PAXIP1: variants seen among roughly 807,000 people sequenced by gnomAD.
PAXIP1 encodes the protein PAX-interacting protein 1.
Under a neutral mutation model 140.6 loss-of-function variants are expected in PAXIP1, and 19 were observed. The observed-to-expected ratio is 0.14, with a 90% CI of 0.09 to 0.20. PAXIP1 has a LOEUF of 0.20. PAXIP1 is among the 10% of genes least tolerant of loss of function. PAXIP1 has a pLI of 1.00. For missense variants in PAXIP1, 920 were observed against 1,208.6 expected, an observed-to-expected ratio of 0.76 and a Z score of 3.54; for synonymous variants, 442 against 444.6, an observed-to-expected ratio of 0.99 and a Z score of 0.07.
At chr7:155,002,813 C>T in intron 1 of PAXIP1, 36 bp downstream of exon 1, 2 of 1,234,978 alleles carry the variant, frequency 1.6e-6, no homozygotes, top group Non-Finnish European at 1.1e-6. Context: ...GGGACGCGGA[C>T]GGGGGAGGAG....
chr7:154,972,107 T>C (rs1236935562), intron 6 of PAXIP1, among the ~76,000 whole-genome samples: 1 of 152,222 alleles, frequency 6.6e-6, no homozygotes, highest in Non-Finnish European at 1.5e-5. Flanking sequence ...GTCAATTCTT[T>C]CCATTTCAAA....
chr7:154,996,792 C>T (rs1810643029), intron 2 of PAXIP1, among the ~76,000 whole-genome samples: 1 of 152,038 alleles, frequency 6.6e-6, no homozygotes, highest in Admixed American at 6.5e-5. Context: ...GCTTACGTAT[C>T]GATTCATTTC....
chr7:154,961,178 A>G (rs1808739243), intron 11 of PAXIP1, 101 bp from the exon 12 acceptor site: 13 of 999,118 alleles, frequency 1.3e-5, no homozygotes, highest in Admixed American at 6.1e-5. Flanking sequence ...AAAATTTCTC[A>G]TAATAGAAGT....
chr7:154,946,705 T>G lies in PAXIP1; in HGVS notation c.3031A>C (p.Lys1011Gln). Residue 1011 changes from lysine to glutamine, a missense_variant, in exon 18 of 21, where the codon AAG becomes CAG. Coordinates refer to ENST00000404141, the MANE Select transcript of PAXIP1 (RefSeq NM_007349.4). The surrounding 1 kb of genome is among the most constrained non-coding windows in gnomAD (Gnocchi z 4.9). Reference sequence around the variant, plus strand: ...GAGTTCTGCTTGTGCTCCATGAGCTTCCGGAAAGATGGCTGCTTGGATAAC... The same window carrying G: ...GAGTTCTGCTTGTGCTCCATGAGCTGCCGGAAAGATGGCTGCTTGGATAAC... ...KVLSKQPSFRKLMEHKQNSSL... is the reference protein window; with the variant it reads ...KVLSKQPSFRQLMEHKQNSSL... The G allele has an allele frequency of 6.2e-7, 1 of 1,613,848 alleles. No individual in the cohort carries two copies. Among genetic ancestry groups the G allele is most frequent in the Non-Finnish European group, 8.5e-7 (1 of 1,179,858 alleles).
intron 4 of PAXIP1, among the ~76,000 whole-genome samples, chr7:154,985,158 CAATA>C (rs1463869828): frequency 3.3e-5 from 5 of 152,164 alleles, no homozygotes; most frequent in African/African-American, 1.2e-4. Flanking sequence ...AAAATGTTAA[CAATA>C]GTTACTTAGT....
intron 2 of PAXIP1, among the ~76,000 whole-genome samples, chr7:154,998,283 G>A (rs529112657): frequency 2.4e-4 from 36 of 152,126 alleles, no homozygotes; most frequent in Non-Finnish European, 4.3e-4. Context: ...TGAGGCAGGC[G>A]GATCACCTGA....
intron 8 of PAXIP1, chr7:154,964,174 G>T (rs1183976037): frequency 6.2e-6 from 1 of 162,556 alleles, no homozygotes; most frequent in Non-Finnish European, 1.4e-5. Context: ...AAGATCTTCA[G>T]ATACTGCCAA....
rs201168482 is a variant in PAXIP1 at position 154,975,838 on chromosome 7, T to C, written c.932A>G (p.Asn311Ser). ...GNILPPEVRG[N>S]LMAAGQNLQS... ...GAGGTTTTGTCCAGCAGCCATTAAA[T>C]TACCCCGGACCTCAGGGGGCAAAAT... is the stretch of plus-strand genomic sequence containing the variant. Residue 311 changes from asparagine (N) to serine (S), a missense_variant, in exon 6 of 21, where the codon AAT (asparagine) becomes AGT (serine). By Grantham distance (46) the Asn-to-Ser change is conservative. Transcript: ENST00000404141. 8.8e-5 allele frequency: 142 copies of C among 1,613,978 alleles called. No individual in the cohort carries two copies. Among genetic ancestry groups the C allele is most frequent in the Non-Finnish European group, 1.2e-4 (137 of 1,179,886 alleles).
intron 8 of PAXIP1, among the ~76,000 whole-genome samples, chr7:154,966,944 G>C (rs1809052374): frequency 6.6e-6 from 1 of 152,150 alleles, no homozygotes; most frequent in Non-Finnish European, 1.5e-5. Flanking sequence ...GCCTTTGGCT[G>C]TGCTGCACTA....
intron 4 of PAXIP1, among the ~76,000 whole-genome samples, chr7:154,984,061 T>C (rs1185341226): frequency 6.6e-6 from 1 of 152,144 alleles, no homozygotes; most frequent in Non-Finnish European, 1.5e-5. Flanking sequence ...CCAACCGCCA[T>C]GTGAAACAGG....
rs150275917 is a variant in PAXIP1 at position 154,995,742 on chromosome 7, A to C, written c.217-1973T>G. ...GCACACGCCTGTAGTCCCAGCTACT[A>C]GGGAGGCTGAGAGAGGAGAATCGCT... On this transcript the variant is annotated intron_variant, in intron 2 of 20. Coordinates refer to ENST00000404141, the MANE Select transcript of PAXIP1 (RefSeq NM_007349.4). 9.2e-3 allele frequency among the ~76,000 whole-genome samples: 1,393 copies of C among 152,140 alleles called. 26 individuals carry two copies. The highest frequency in any genetic ancestry group is 0.032 in the African/African-American group (1,328 of 41,530).
In PAXIP1 at chr7:154,963,441, C is replaced by G. The variant is rs764933763; in HGVS notation, c.1989+230G>C. ...CGTCCACCTCGGCCTCCTGTCCGCC[C>G]TTTCTTAACACCACCTGGGAACATC... On this transcript the variant is annotated intron_variant, in intron 9 of 20. Transcript: ENST00000404141. This position sits in a 1 kb window ranked among gnomAD's most constrained non-coding sequence, Gnocchi z 4.1. 1.3e-5 allele frequency among the ~76,000 whole-genome samples: 2 copies of G among 152,170 alleles called. No homozygotes were observed. The highest frequency in any genetic ancestry group is 2.4e-5 in the African/African-American group (1 of 41,438).
Position 154,963,770 on chromosome 7 carries a change from C to T in PAXIP1, c.1894-4G>A. The T allele has an allele frequency of 6.2e-7, 1 of 1,606,788 alleles. No homozygotes were observed. The stretch of plus-strand genomic sequence containing the variant: ...TGCCGCCATGTGCCTGGATTATCTA[C>T]ACACAAAGACCCGACCAATGCAGTC... On this transcript the variant is annotated splice_region_variant and splice_polypyrimidine_tract_variant and intron_variant, in intron 8 of 20. Coordinates refer to ENST00000404141, the MANE Select transcript of PAXIP1 (RefSeq NM_007349.4). The surrounding 1 kb of genome is among the most constrained non-coding windows in gnomAD (Gnocchi z 4.1).
intron 2 of PAXIP1, among the ~76,000 whole-genome samples, chr7:154,997,637 A>G (rs1810697181): frequency 6.6e-6 from 1 of 152,278 alleles, no homozygotes; most frequent in South Asian, 2.1e-4. Context: ...TTTTAACAGA[A>G]GTCAACTAAC....
chr7:155,002,795 G>T, intron 1 of PAXIP1, 54 bp downstream of exon 1: 1 of 1,034,666 alleles, frequency 9.7e-7, no homozygotes, highest in Non-Finnish European at 1.3e-6. Flanking sequence ...CGGGGACGGG[G>T]ACGGACGGGG....
chr7:154,946,409 C>G lies in PAXIP1; in HGVS notation c.3150G>C (p.Glu1050Asp). 6.2e-7 allele frequency: 1 copy of G among 1,613,908 alleles called. No individual in the cohort carries two copies. The highest frequency in any genetic ancestry group is 8.5e-7 in the Non-Finnish European group (1 of 1,179,794). The change falls in exon 20 of 21, where the codon GAG becomes GAC. Residue 1050 changes from glutamate to aspartate, a missense_variant. Glu to Asp is a conservative substitution (Grantham distance 45). This residue lies in a region of PAXIP1 where 303 missense variants were observed against 517.9 expected (regional missense o/e 0.59). Coordinates refer to ENST00000404141, the MANE Select transcript of PAXIP1 (RefSeq NM_007349.4). This position sits in a 1 kb window ranked among gnomAD's most constrained non-coding sequence, Gnocchi z 4.9. ...GAGTGAGCACTCCAGTCAGAACGAA[C>G]TCTGCATTGTGAACATCTGAACAGG... is the stretch of plus-strand genomic sequence containing the variant. ...FARGIDVHNA[E>D]FVLTGVLTQT...
At chr7:154,975,523 TACACACACACACACAC>T (rs35537788) in intron 6 of PAXIP1, among the ~76,000 whole-genome samples, 157 bp downstream of exon 6, 2 of 150,218 alleles carry the variant, frequency 1.3e-5, no homozygotes, top group East Asian at 2.0e-4. Flanking sequence ...TATATACACA[TACACACACACACACAC>T]ACACACACAC....
chr7:154,970,338 T>C (rs1285010865), intron 6 of PAXIP1, among the ~76,000 whole-genome samples: 2 of 152,232 alleles, frequency 1.3e-5, no homozygotes, highest in Non-Finnish European at 2.9e-5. Flanking sequence ...TTAAACAGAT[T>C]CCAAATTGCA....
Position 154,983,211 on chromosome 7 carries a change from A to T in PAXIP1, c.438+8T>A. 6.8e-7 allele frequency: 1 copy of T among 1,470,550 alleles called. No individual in the cohort carries two copies. Among genetic ancestry groups the T allele is most frequent in the Non-Finnish European group, 9.3e-7 (1 of 1,080,426 alleles). 91.1% of individuals were successfully genotyped at this position (1,470,550 alleles called of 1,614,324 possible). On this transcript the variant is annotated splice_region_variant and intron_variant, in intron 5 of 20. Transcript: ENST00000404141. ...ATACAAAAAGAAGGTGGCACAAGAA[A>T]CGCTTACCCCCTTTGGCTCTGGAAC...
Sources: allele counts gnomAD v4.1 joint callset (sites outside exome capture counted in the v4.1 genomes callset), GRCh38; gene constraint gnomAD v4.1.1; regional missense constraint gnomAD v4.1.1; non-coding constraint Gnocchi (gnomAD v3.1); transcripts MANE v1.5; gene names NCBI Gene and HGNC (gene_info 2026-07-23, HGNC 2026-07-21).